AFAP1L2: variants seen among roughly 807,000 people sequenced by gnomAD.
AFAP1L2 encodes the protein actin filament associated protein 1 like 2, also known as actin filament-associated protein 1-like 2.
AFAP1L2 carries 46 observed loss-of-function variants against 99.3 expected under a neutral mutation model. The observed-to-expected ratio is 0.46, with a 90% CI of 0.37 to 0.59. The LOEUF is 0.59. Among genes scored for constraint, AFAP1L2 ranks in the 20% least tolerant of loss-of-function variants. The probability of loss-of-function intolerance (pLI) is 0.00; values close to 1 mark genes in which losing one functional copy is unlikely to be tolerated. For missense variants in AFAP1L2, 959 were observed against 1,034.9 expected (o/e 0.93, Z 1.01); for synonymous variants, 397 against 419.1 (o/e 0.95, Z 0.64).
At chr10:114,319,070 C>A (rs979048333) in intron 5 of AFAP1L2, among the ~76,000 whole-genome samples, 7 of 152,110 alleles carry the variant, frequency 4.6e-5, no homozygotes, top group Non-Finnish European at 1.0e-4. Flanking sequence ...AGGAGAATCC[C>A]TTGAACCTGG....
In AFAP1L2 at chr10:114,320,707, G is replaced by C. The variant is rs559831329; in HGVS notation, c.406+2464C>G. On this transcript the variant is annotated intron_variant, in intron 5 of 18. Coordinates refer to ENST00000304129, the MANE Select transcript of AFAP1L2 (RefSeq NM_001001936.3). ...CAGTTGAGAGACAAAACCAAGAAGC[G>C]CTGGCCTTTCTGACCACTTGTTTGT... Among the ~76,000 whole-genome samples, 6 of 152,324 alleles carry C rather than the reference G, an allele frequency of 3.9e-5. No individual in the cohort carries two copies. The South Asian group carries it at 1.2e-3, about 32-fold the overall frequency.
At chr10:114,320,670 A>C (rs2045075714) in intron 5 of AFAP1L2, among the ~76,000 whole-genome samples, 1 of 152,250 alleles carries the variant, frequency 6.6e-6, no homozygotes, top group South Asian at 2.1e-4. Context: ...GGCTACGACC[A>C]ATATGAACTC....
Position 114,310,519 on chromosome 10 carries a change from C to G in AFAP1L2, c.793-76G>C, listed in dbSNP as rs920446001. 20 of 1,365,820 alleles carry G rather than the reference C, an allele frequency of 1.5e-5. No homozygotes were observed. The Admixed American group carries it at 2.7e-4, about 18-fold the overall frequency. 84.6% of individuals were successfully genotyped at this position (1,365,820 alleles called of 1,614,324 possible). On this transcript the variant is annotated intron_variant, in intron 7 of 18. Coordinates refer to ENST00000304129, the MANE Select transcript of AFAP1L2 (RefSeq NM_001001936.3). Reference sequence around the variant, plus strand: ...CTCACAGCCAGGCTGAAGCCAGGGCCCCTGCAGGTCAGGGGAGAGTGGGTG... The same window carrying G: ...CTCACAGCCAGGCTGAAGCCAGGGCGCCTGCAGGTCAGGGGAGAGTGGGTG...
At chr10:114,344,466 A>G (rs1477289336) in intron 1 of AFAP1L2, among the ~76,000 whole-genome samples, 2 of 152,238 alleles carry the variant, frequency 1.3e-5, no homozygotes, top group Non-Finnish European at 2.9e-5. Context: ...AACTGTAAGT[A>G]TCTTTTCACT....
chr10:114,351,680 A>AC lies in AFAP1L2; in HGVS notation c.17-10950dup, dbSNP rs201014585. 6.8e-3 allele frequency among the ~76,000 whole-genome samples: 1,026 copies of AC among 151,890 alleles called. 15 individuals are homozygous for AC. The highest frequency in any genetic ancestry group is 0.024 in the African/African-American group (993 of 41,494). ...AGGAGAAACGAAGGCCTCCTGGGCC[A>AC]CCCCCCTGCCCCAAGCCTCTTTGGC... is the stretch of plus-strand genomic sequence containing the variant. On this transcript the variant is annotated intron_variant, in intron 1 of 18. Coordinates refer to ENST00000304129, the MANE Select transcript of AFAP1L2 (RefSeq NM_001001936.3).
At chr10:114,345,907 G>A (rs376773628) in intron 1 of AFAP1L2, among the ~76,000 whole-genome samples, 1 of 142,918 alleles carries the variant, frequency 7.0e-6, no homozygotes, top group East Asian at 1.9e-4. Context: ...TGGTGAACCA[G>A]GCAGCCGTGG....
intron 10 of AFAP1L2, among the ~76,000 whole-genome samples, chr10:114,306,904 C>T (rs564232904): frequency 2.0e-5 from 3 of 152,208 alleles, no homozygotes; most frequent in African/African-American, 7.2e-5. Flanking sequence ...CTGGAGAAGC[C>T]GGAGAATGCA....
intron 1 of AFAP1L2, among the ~76,000 whole-genome samples, chr10:114,385,330 G>C (rs2056357858): frequency 6.6e-6 from 1 of 152,146 alleles, no homozygotes; most frequent in Admixed American, 6.5e-5. Flanking sequence ...TGATGCTGGG[G>C]CACCTTCTTC....
intron 1 of AFAP1L2, among the ~76,000 whole-genome samples, chr10:114,359,206 C>T (rs921649989): frequency 7.2e-5 from 11 of 152,184 alleles, no homozygotes; most frequent in Non-Finnish European, 1.5e-5. Flanking sequence ...GGTTTATGAG[C>T]AAATCCAGCA....
chr10:114,323,234 G>A lies in AFAP1L2; in HGVS notation c.343C>T (p.Pro115Ser), dbSNP rs781089887. 2 of 1,600,348 alleles carry A rather than the reference G, an allele frequency of 1.2e-6. No individual in the cohort carries two copies. The highest frequency in any genetic ancestry group is 1.1e-5 in the South Asian group (1 of 88,446). ...TAGCCCTCTGGAGACTCCGTCTTTG[G>A]GATGGCAAGCTGTTTCCGTTCTGGA... Reference protein sequence around the residue: ...MIPERKQLAIPKTESPEGYYE... With the variant: ...MIPERKQLAISKTESPEGYYE... Residue 115 changes from proline to serine, a missense_variant, in exon 5 of 19, where the codon CCA (proline) becomes TCA (serine). This residue lies in a region of AFAP1L2 where 383 missense variants were observed against 472.8 expected (regional missense o/e 0.81). Transcript: ENST00000304129.
chr10:114,338,731 T>C (rs1024772581), intron 2 of AFAP1L2, among the ~76,000 whole-genome samples: 3 of 152,146 alleles, frequency 2.0e-5, no homozygotes, highest in Non-Finnish European at 4.4e-5. Flanking sequence ...ACCAGCACAA[T>C]GGTTGCTTGT....
At chr10:114,369,254 C>T (rs1312042515) in intron 1 of AFAP1L2, among the ~76,000 whole-genome samples, 7 of 152,052 alleles carry the variant, frequency 4.6e-5, no homozygotes, top group Non-Finnish European at 5.9e-5. Context: ...GCCAGGAGTT[C>T]AAGATCAGCC....
At chr10:114,339,694 C>G (rs572087755) in intron 2 of AFAP1L2, among the ~76,000 whole-genome samples, 1 of 152,130 alleles carries the variant, frequency 6.6e-6, no homozygotes, top group African/African-American at 2.4e-5. Context: ...TGACCCTAAT[C>G]GACTATGACT....
At chr10:114,392,952 T>G (rs1178340892) in intron 1 of AFAP1L2, among the ~76,000 whole-genome samples, 2 of 152,152 alleles carry the variant, frequency 1.3e-5, no homozygotes, top group Non-Finnish European at 2.9e-5. Flanking sequence ...GGACATTAGG[T>G]AAATAGCTTT....
the AFAP1L2 span, among the ~76,000 whole-genome samples, chr10:114,283,299 G>A: frequency 7.1e-6 from 1 of 141,100 alleles, no homozygotes; most frequent in Non-Finnish European, 1.5e-5. Context: ...GCAGGGCAGC[G>A]AGCAGTTAGA....
chr10:114,305,289 G>A (rs1188674376), intron 10 of AFAP1L2, among the ~76,000 whole-genome samples: 2 of 143,098 alleles, frequency 1.4e-5, no homozygotes, highest in African/African-American at 2.6e-5. Flanking sequence ...ATGCAGGAGG[G>A]GATGCGGACG....
At chr10:114,349,253 C>T (rs1031928030) in intron 1 of AFAP1L2, among the ~76,000 whole-genome samples, 6 of 152,030 alleles carry the variant, frequency 3.9e-5, no homozygotes, top group Admixed American at 3.9e-4. Flanking sequence ...TGACACACAC[C>T]TGTAATCCCA....
At chr10:114,380,796 C>A (rs539679930) in intron 1 of AFAP1L2, among the ~76,000 whole-genome samples, 3 of 152,256 alleles carry the variant, frequency 2.0e-5, no homozygotes, top group Non-Finnish European at 2.9e-5. Context: ...AAATTTGGAC[C>A]CTTGTATCAT....
intron 1 of AFAP1L2, among the ~76,000 whole-genome samples, chr10:114,360,517 A>ATAGATAGATAGT (rs1201511717): frequency 0.012 from 1,523 of 125,726 alleles, 12 homozygotes; most frequent in East Asian, 0.017. Context: ...AGTTAGATAG[A>ATAGATAGATAGT]TAGATAGATA....
Sources: gnomAD v4.1 joint callset for allele counts (sites outside exome capture counted in the v4.1 genomes callset) on GRCh38, gnomAD v4.1.1 for gene constraint, gnomAD v4.1.1 regional missense constraint, MANE v1.5 for transcripts, NCBI Gene and HGNC (gene_info 2026-07-23, HGNC 2026-07-21) for gene names.